Variants in EPHA6 observed in about 807,000 individuals in gnomAD.
The protein encoded by EPHA6 is ephrin type-A receptor 6.
In EPHA6, 50 loss-of-function variants were observed where a neutral mutation model predicts 112.0. The ratio of observed to expected loss-of-function variants is 0.45; its 90% CI spans 0.36 to 0.56. EPHA6 has a LOEUF of 0.56. Among genes scored for constraint, EPHA6 ranks in the 20% least tolerant of loss-of-function variants. The pLI, the probability that EPHA6 is intolerant of heterozygous loss-of-function variation, is 0.00. For synonymous variants in EPHA6, 529 were observed against 490.7 expected, an observed-to-expected ratio of 1.08 and a Z score of -1.03; for missense variants, 1,280 against 1,417.4, an observed-to-expected ratio of 0.90 and a Z score of 1.56.
At chr3:97,215,425 A>G (rs2108521874) in intron 3 of EPHA6, among the ~76,000 whole-genome samples, 1 of 152,266 alleles carries the variant, frequency 6.6e-6, no homozygotes, top group East Asian at 1.9e-4. Flanking sequence ...GAAATTTCAA[A>G]CATCTATAAG....
intron 1 of EPHA6, among the ~76,000 whole-genome samples, chr3:96,859,992 A>G (rs568972503): frequency 2.0e-5 from 3 of 152,304 alleles, no homozygotes; most frequent in African/African-American, 7.2e-5. Flanking sequence ...CAAAAATCCT[A>G]GTAGTGAAAG....
rs536953788 is a variant in EPHA6, at chr3:96,885,301, G to A, written c.450+18412G>A. Among the ~76,000 whole-genome samples, 7 of 152,194 alleles carry A rather than the reference G, an allele frequency of 4.6e-5. No individual in the cohort carries two copies. In the South Asian group the frequency reaches 1.5e-3, roughly 32 times the overall value. On this transcript the variant is annotated intron_variant, in intron 2 of 17. Coordinates refer to ENST00000389672, the MANE Select transcript of EPHA6 (RefSeq NM_001080448.3). ...GTCAAAGATAGTGTCGAAAGGATTGGTACCAATTCTTCTTTGAATGTCTGG... is the reference window on the plus strand; with the variant it reads ...GTCAAAGATAGTGTCGAAAGGATTGATACCAATTCTTCTTTGAATGTCTGG...
intron 2 of EPHA6, among the ~76,000 whole-genome samples, chr3:96,912,877 CCA>C (rs1304138408): frequency 6.6e-6 from 1 of 152,032 alleles, no homozygotes; most frequent in Non-Finnish European, 1.5e-5. Context: ...CAGGCATGAG[CCA>C]CTGTACCTGG....
intron 3 of EPHA6, among the ~76,000 whole-genome samples, chr3:97,143,869 G>T (rs2075971174): frequency 6.6e-6 from 1 of 151,638 alleles, no homozygotes; most frequent in South Asian, 2.1e-4. Context: ...ACCATTGTAA[G>T]CTATGTGTGT....
chr3:97,210,508 G>T (rs887833620), intron 3 of EPHA6, among the ~76,000 whole-genome samples: 1 of 152,094 alleles, frequency 6.6e-6, no homozygotes, highest in African/African-American at 2.4e-5. Context: ...TTTGGGTGAG[G>T]ACACGGAGCC....
At chr3:97,736,470 AGTGTGTGT>A (rs376497031) in intron 16 of EPHA6, among the ~76,000 whole-genome samples, 17 of 118,812 alleles carry the variant, frequency 1.4e-4, no homozygotes, top group African/African-American at 3.5e-4. Flanking sequence ...AGAGAGAGAG[AGTGTGTGT>A]GTGTGTGTGT....
rs2036140517 is a variant in EPHA6 at position 97,760,664 on chromosome 3, T to C, written c.*11963T>C. ...CAATTGCAGTGCACTCAAAATGTTA[T>C]AAAATCTTTGTAGCACAAATCCTGA... On this transcript the variant is annotated 3_prime_UTR_variant, in exon 18 of 18. Coordinates refer to ENST00000389672, the MANE Select transcript of EPHA6 (RefSeq NM_001080448.3). 5.5e-6 allele frequency: 1 copy of C among 180,686 alleles called. No homozygotes were observed. The highest frequency in any genetic ancestry group is 1.2e-5 in the Non-Finnish European group (1 of 84,380). The allele number at this position is 180,686 out of a possible 1,614,324, so 11.2% of individuals were successfully genotyped here.
At chr3:97,533,407 T>C (rs2092717758) in intron 11 of EPHA6, among the ~76,000 whole-genome samples, 1 of 152,124 alleles carries the variant, frequency 6.6e-6, no homozygotes. Context: ...ATTGACTCTG[T>C]GTCTGAAACA....
At chr3:97,583,619 T>C (rs1170811342) in intron 11 of EPHA6, among the ~76,000 whole-genome samples, 1 of 151,606 alleles carries the variant, frequency 6.6e-6, no homozygotes, top group Non-Finnish European at 1.5e-5. Flanking sequence ...GCTACAAAAC[T>C]CTGATGAAAG....
At chr3:97,456,666 A>G (rs2090696947) in intron 7 of EPHA6, among the ~76,000 whole-genome samples, 5 of 152,146 alleles carry the variant, frequency 3.3e-5, no homozygotes, top group Admixed American at 3.3e-4. Flanking sequence ...AACAAAGGAG[A>G]TAATATATGG....
chr3:96,815,329 A>G (rs972918232), intron 1 of EPHA6, among the ~76,000 whole-genome samples: 9 of 152,060 alleles, frequency 5.9e-5, no homozygotes, highest in Non-Finnish European at 1.3e-4. Context: ...GCTCCGTGGC[A>G]CAGACTTAAT....
chr3:96,922,636 C>A (rs1438358358), intron 2 of EPHA6, among the ~76,000 whole-genome samples: 1 of 152,028 alleles, frequency 6.6e-6, no homozygotes, highest in Non-Finnish European at 1.5e-5. Context: ...CAATGCAATT[C>A]ATTCCACTTT....
intron 3 of EPHA6, among the ~76,000 whole-genome samples, chr3:97,004,584 G>A (rs541657916): frequency 3.3e-5 from 5 of 152,250 alleles, no homozygotes; most frequent in African/African-American, 1.2e-4. Flanking sequence ...CTCCCATTCT[G>A]TAGGTTTCCC....
chr3:97,552,282 T>C (rs902935553), intron 11 of EPHA6, among the ~76,000 whole-genome samples: 1 of 152,112 alleles, frequency 6.6e-6, no homozygotes, highest in Non-Finnish European at 1.5e-5. Flanking sequence ...TGGTGTAGTC[T>C]CCATATCTTT....
intron 2 of EPHA6, among the ~76,000 whole-genome samples, chr3:96,880,260 A>C (rs971980405): frequency 3.3e-5 from 5 of 151,640 alleles, no homozygotes; most frequent in Admixed American, 2.0e-4. Context: ...CCCCACAAAT[A>C]ATGTATAATT....
chr3:97,663,912 C>T (rs1020162443), intron 14 of EPHA6, among the ~76,000 whole-genome samples: 28 of 152,204 alleles, frequency 1.8e-4, no homozygotes, highest in African/African-American at 2.6e-4. Flanking sequence ...ATTGCCACAC[C>T]GTCTTCCACA....
chr3:97,572,648 T>G (rs1055462965), intron 11 of EPHA6: 1 of 152,170 alleles, frequency 6.6e-6, no homozygotes, highest in Non-Finnish European at 1.5e-5. Flanking sequence ...CAGAAAAGTA[T>G]ACAAGTATAA....
intron 13 of EPHA6, among the ~76,000 whole-genome samples, chr3:97,625,480 T>G (rs1194251356): frequency 6.6e-6 from 1 of 151,726 alleles, no homozygotes; most frequent in Non-Finnish European, 1.5e-5. Flanking sequence ...TCAAAGAAAA[T>G]ATTCCACATG....
chr3:96,849,079 T>A (rs989562387), intron 1 of EPHA6, among the ~76,000 whole-genome samples: 1 of 152,144 alleles, frequency 6.6e-6, no homozygotes, highest in Non-Finnish European at 1.5e-5. Context: ...AAAGCTGAAG[T>A]AAATAAGACA....
Sources: gnomAD v4.1 joint callset for allele counts (sites outside exome capture counted in the v4.1 genomes callset) on GRCh38, gnomAD v4.1.1 for gene constraint, MANE v1.5 for transcripts, NCBI Gene and HGNC (gene_info 2026-07-23, HGNC 2026-07-21) for gene names.